The following GAS7 variants were observed in gnomAD, a reference collection of about 807,000 sequenced individuals.
GAS7 encodes the protein growth arrest-specific protein 7.
GAS7 carries 28 observed loss-of-function variants against 71.1 expected under a neutral mutation model. The observed-to-expected ratio is 0.39, with a 90% confidence interval of 0.29 to 0.54. The LOEUF (loss-of-function observed/expected upper bound fraction) is 0.54. Ranked by LOEUF, GAS7 falls within the 20% of genes least tolerant of loss-of-function variation. The probability of loss-of-function intolerance (pLI) is 0.62; values close to 1 mark genes in which losing one functional copy is unlikely to be tolerated. For synonymous variants in GAS7, 258 were observed against 245.8 expected, an observed-to-expected ratio of 1.05 and a Z score of -0.46; for missense variants, 436 against 627.8, an observed-to-expected ratio of 0.69 and a Z score of 3.27.
In GAS7 at chr17:10,005,240, C is replaced by T. The variant is rs181606898; in HGVS notation, c.304+14537G>A. Among the ~76,000 whole-genome samples, 340 of 105,726 alleles carry T rather than the reference C, an allele frequency of 3.2e-3. 1 individual carries two copies. The highest frequency in any genetic ancestry group is 6.4e-3 in the Admixed American group (81 of 12,628). 69.4% of individuals were successfully genotyped at this position (105,726 alleles called of 152,430 possible). Reference sequence around the variant, plus strand: ...GCGTGTGCATGTATGTGTATGTGCGCGCATGCATGTGTGTGCACACATACA... The same window carrying T: ...GCGTGTGCATGTATGTGTATGTGCGTGCATGCATGTGTGTGCACACATACA... On this transcript the variant is annotated intron_variant, in intron 2 of 13. Transcript: ENST00000432992.
At chr17:10,186,264 G>A (rs1403444125) in intron 1 of GAS7, among the ~76,000 whole-genome samples, 2 of 151,830 alleles carry the variant, frequency 1.3e-5, no homozygotes, top group Non-Finnish European at 2.9e-5. Context: ...GCCAGAGTCT[G>A]CATTTTAACA....
intron 1 of GAS7, among the ~76,000 whole-genome samples, chr17:10,095,801 CAAAAA>C (rs58811317): frequency 9.1e-6 from 1 of 110,116 alleles, no homozygotes; most frequent in Non-Finnish European, 1.9e-5. Flanking sequence ...GACTCCATCT[CAAAAA>C]AAAAAAAAAA....
At chr17:10,000,924 TCTC>T (rs2071245153) in intron 2 of GAS7, among the ~76,000 whole-genome samples, 1 of 152,038 alleles carries the variant, frequency 6.6e-6, no homozygotes, top group Non-Finnish European at 1.5e-5. Flanking sequence ...GGAGTCATCA[TCTC>T]CTTGCCTTCC....
chr17:10,087,498 A>G (rs906900791), intron 1 of GAS7, among the ~76,000 whole-genome samples: 1 of 152,232 alleles, frequency 6.6e-6, no homozygotes, highest in Non-Finnish European at 1.5e-5. Context: ...CAGACAGTCA[A>G]TAAAGGTTCA....
In GAS7 at chr17:9,919,968, T is replaced by TG. The variant is rs1430668872; in HGVS notation, c.1139-264_1139-263insC. ...AAGGATTCAGGATGGTGGTTCTCAT[T>TG]TTGTGTGTGTGTGTGTGTGTGTGTG... On this transcript the variant is annotated intron_variant, in intron 11 of 13. Coordinates refer to ENST00000432992, the MANE Select transcript of GAS7 (RefSeq NM_201433.2). This position sits in a 1 kb window ranked among gnomAD's most constrained non-coding sequence, Gnocchi z 5.0. 4.1e-4 allele frequency among the ~76,000 whole-genome samples: 58 copies of TG among 140,930 alleles called. No individual in the cohort carries two copies. Among genetic ancestry groups the TG allele is most frequent in the Admixed American group, 7.6e-4 (10 of 13,206 alleles). 92.5% of individuals were successfully genotyped at this position (140,930 alleles called of 152,430 possible). A position where few individuals can be genotyped will look rare whatever the true frequency, so the allele number is the denominator to read the frequency against.
chr17:9,928,144 G>A (rs1036496590), intron 9 of GAS7, among the ~76,000 whole-genome samples: 8 of 150,544 alleles, frequency 5.3e-5, no homozygotes, highest in East Asian at 2.0e-4. Flanking sequence ...ACAGAGTCTC[G>A]CTCTGTCGCC....
At chr17:9,920,776 G>A (rs564263080) in intron 11 of GAS7, among the ~76,000 whole-genome samples, 4 of 152,336 alleles carry the variant, frequency 2.6e-5, no homozygotes, top group South Asian at 2.1e-4. Flanking sequence ...GTTTGCTCAC[G>A]ATGGAAAAAG....
intron 1 of GAS7, among the ~76,000 whole-genome samples, chr17:10,080,540 A>G (rs1276174806): frequency 1.3e-5 from 2 of 152,218 alleles, no homozygotes; most frequent in African/African-American, 4.8e-5. Context: ...TTCTTGCATA[A>G]GATCCAAGAA....
chr17:9,993,963 C>G (rs2070940147), intron 2 of GAS7, among the ~76,000 whole-genome samples: 1 of 151,384 alleles, frequency 6.6e-6, no homozygotes, highest in Admixed American at 6.6e-5. Flanking sequence ...CCTAGGAATC[C>G]AACTTACAAG....
chr17:9,922,249 T>G (rs887662133), intron 11 of GAS7, among the ~76,000 whole-genome samples: 35 of 152,272 alleles, frequency 2.3e-4, no homozygotes, highest in African/African-American at 8.4e-4. Flanking sequence ...TCTGATGTCT[T>G]TCCTTCTAGT....
intron 1 of GAS7, among the ~76,000 whole-genome samples, chr17:10,172,918 G>A (rs1157276227): frequency 6.6e-6 from 1 of 152,188 alleles, no homozygotes; most frequent in Non-Finnish European, 1.5e-5. Context: ...GCCAAAACAT[G>A]GGAACTAGCC....
At chr17:10,029,520 TA>T (rs955194181) in intron 1 of GAS7, among the ~76,000 whole-genome samples, 14 of 152,192 alleles carry the variant, frequency 9.2e-5, no homozygotes, top group Middle Eastern at 3.4e-3. Context: ...ATATATACTG[TA>T]AAAAAATGAA....
chr17:10,152,931 C>T (rs2074177383), intron 1 of GAS7, among the ~76,000 whole-genome samples: 1 of 151,366 alleles, frequency 6.6e-6, no homozygotes, highest in Non-Finnish European at 1.5e-5. Flanking sequence ...GGCACAGTGG[C>T]TCACACCTGT....
rs1436502475 is a variant in GAS7 at position 9,919,082 on chromosome 17, C to T, written c.1218+544G>A. Among the ~76,000 whole-genome samples, 1 of 152,182 alleles carries T rather than the reference C, an allele frequency of 6.6e-6. No homozygotes were observed. The highest frequency in any genetic ancestry group is 1.5e-5 in the Non-Finnish European group (1 of 68,028). ...TACCAGCCACACTTCACTGTCCACT[C>T]AGGCAGGTGCTGACTGATAAGGAGA... On this transcript the variant is annotated intron_variant, in intron 12 of 13. Transcript: ENST00000432992. The surrounding 1 kb of genome is among the most constrained non-coding windows in gnomAD (Gnocchi z 5.0).
chr17:9,957,261 G>C (rs1406568307), intron 5 of GAS7, among the ~76,000 whole-genome samples: 1 of 152,214 alleles, frequency 6.6e-6, no homozygotes, highest in Non-Finnish European at 1.5e-5. Context: ...TTTTAAAAAA[G>C]GTCTTGGAGG....
At chr17:10,064,811 C>CT (rs2073263704) in intron 1 of GAS7, among the ~76,000 whole-genome samples, 1 of 152,116 alleles carries the variant, frequency 6.6e-6, no homozygotes, top group African/African-American at 2.4e-5. Flanking sequence ...GGGACTGTTC[C>CT]TTTTTTGTCT....
At chr17:10,144,344 G>A (rs1452145176) in intron 1 of GAS7, among the ~76,000 whole-genome samples, 2 of 152,124 alleles carry the variant, frequency 1.3e-5, no homozygotes, top group African/African-American at 2.4e-5. Flanking sequence ...TGTCGGGCCC[G>A]TGATATTATC....
chr17:10,138,119 C>T (rs759606593), intron 1 of GAS7, among the ~76,000 whole-genome samples: 2 of 151,890 alleles, frequency 1.3e-5, no homozygotes, highest in Admixed American at 6.6e-5. Context: ...CCCACCACAG[C>T]GCCCAGCTAA....
At chr17:9,940,254 T>C in intron 7 of GAS7, 54 bp from the exon 8 acceptor site, 1 of 1,336,592 alleles carries the variant, frequency 7.5e-7, no homozygotes, top group Non-Finnish European at 1.1e-6. Flanking sequence ...AGATCGTGGG[T>C]CTGCCCTGCT....
Sources: allele counts gnomAD v4.1 joint callset (sites outside exome capture counted in the v4.1 genomes callset), GRCh38; gene constraint gnomAD v4.1.1; non-coding constraint Gnocchi (gnomAD v3.1); transcripts MANE v1.5; gene names NCBI Gene and HGNC (gene_info 2026-07-23, HGNC 2026-07-21).